The following ACACA variants were observed in gnomAD, a reference collection of about 807,000 sequenced individuals.
ACACA encodes acetyl-CoA carboxylase 1.
A neutral mutation model predicts 296.1 loss-of-function variants in ACACA; 103 were observed. The observed-to-expected ratio is 0.35, with a 90% CI of 0.30 to 0.41. The LOEUF is 0.41. Ranked by LOEUF, ACACA falls within the 10% of genes least tolerant of loss-of-function variation. The pLI is 1.00. For missense variants in ACACA, 1,554 were observed against 2,989.7 expected, an observed-to-expected ratio of 0.52 and a Z score of 11.20; for synonymous variants, 953 against 1,038.6, an observed-to-expected ratio of 0.92 and a Z score of 1.58.
chr17:37,398,853 G>C (rs1369380653), intron 1 of ACACA, among the ~76,000 whole-genome samples: 1 of 145,636 alleles, frequency 6.9e-6, no homozygotes, highest in Admixed American at 7.1e-5. Context: ...CAAAGTGCTG[G>C]GATTACAGGC....
chr17:37,255,197 C>T (rs771175654), intron 14 of ACACA, among the ~76,000 whole-genome samples: 2 of 152,024 alleles, frequency 1.3e-5, no homozygotes, highest in Admixed American at 6.5e-5. Flanking sequence ...ATTCAACCAA[C>T]GTTTACTGAA....
rs950752967 is a variant in ACACA, at chr17:37,241,981, T to C, written c.3004A>G (p.Thr1002Ala). The C allele has an allele frequency of 1.2e-6, 2 of 1,613,802 alleles. No individual in the cohort carries two copies. The highest frequency in any genetic ancestry group is 8.5e-7 in the Non-Finnish European group (1 of 1,179,904). The change falls in exon 23 of 56, where the codon ACT (threonine) becomes GCT (alanine). Residue 1002 changes from threonine (T) to alanine (A), a missense_variant. Physicochemically the swap from Thr to Ala is moderately conservative, Grantham distance 58 (BLOSUM62 0). Around this residue, in one of 16 missense-constraint regions of ACACA, gnomAD observed 316 missense variants for 540.9 expected, o/e 0.58. Transcript: ENST00000616317. ...TGTACCAGCTGAACAATGCTCTGAG[T>C]ATTCATAAAGAAGACTTCCCGTTCA... ...KSEREVFFMN[T>A]QSIVQLVQRY...
At chr17:37,381,911 G>A (rs556649805) in intron 1 of ACACA, among the ~76,000 whole-genome samples, 43 of 152,282 alleles carry the variant, frequency 2.8e-4, no homozygotes, top group South Asian at 4.1e-4. Context: ...ACAGGCGTGA[G>A]CCACTGCACC....
chr17:37,155,309 T>A (rs2076194628), intron 43 of ACACA, among the ~76,000 whole-genome samples: 1 of 152,130 alleles, frequency 6.6e-6, no homozygotes, highest in Non-Finnish European at 1.5e-5. Context: ...AAAGGATAAA[T>A]TATAAAAGAA....
Position 37,347,027 on chromosome 17 carries a change from G to A in ACACA, c.39-7177C>T, listed in dbSNP as rs545983259. Among the ~76,000 whole-genome samples, 24 of 152,254 alleles carry A rather than the reference G, an allele frequency of 1.6e-4. No individual in the cohort carries two copies. In the South Asian group the frequency reaches 2.3e-3, roughly 14 times the overall value. ...AACATGAGATCTGGGAAGGGCCAGCGGCTGAATGATATGGTCTGGCTGTGT... is the reference window on the plus strand; with the variant it reads ...AACATGAGATCTGGGAAGGGCCAGCAGCTGAATGATATGGTCTGGCTGTGT... On this transcript the variant is annotated intron_variant, in intron 1 of 55. Coordinates refer to ENST00000616317, the MANE Select transcript of ACACA (RefSeq NM_198834.3).
intron 42 of ACACA, among the ~76,000 whole-genome samples, chr17:37,157,789 A>T (rs1201153454): frequency 6.6e-6 from 1 of 151,890 alleles, no homozygotes; most frequent in Non-Finnish European, 1.5e-5. Flanking sequence ...CATCTGCCTC[A>T]GCCTCCCAAA....
intron 22 of ACACA, 55 bp downstream of exon 22, chr17:37,243,316 A>C: frequency 6.5e-7 from 1 of 1,537,214 alleles, no homozygotes; most frequent in Non-Finnish European, 9.0e-7. Flanking sequence ...GAATCCTACA[A>C]CATAAACTCT....
intron 29 of ACACA, among the ~76,000 whole-genome samples, chr17:37,218,758 T>A (rs972068923): frequency 6.6e-6 from 1 of 152,194 alleles, no homozygotes; most frequent in Non-Finnish European, 1.5e-5. Flanking sequence ...TTCTGTAGAA[T>A]GAGAAACAAT....
intron 25 of ACACA, among the ~76,000 whole-genome samples, chr17:37,227,702 T>C (rs1380910677): frequency 6.6e-6 from 1 of 151,764 alleles, no homozygotes; most frequent in Non-Finnish European, 1.5e-5. Context: ...CTACTAAAAA[T>C]ACAAAAAATT....
intron 25 of ACACA, among the ~76,000 whole-genome samples, chr17:37,232,016 C>G (rs1567853779): frequency 1.3e-5 from 2 of 152,154 alleles, no homozygotes; most frequent in South Asian, 4.2e-4. Context: ...AGGACTTTAG[C>G]CTTTTACCTG....
intron 3 of ACACA, among the ~76,000 whole-genome samples, chr17:37,297,891 T>C (rs540429547): frequency 3.9e-4 from 59 of 152,144 alleles, no homozygotes; most frequent in Middle Eastern, 3.4e-3. Flanking sequence ...TATACATGTA[T>C]ATACATAAAA....
At chr17:37,289,177 G>A (rs1331491340) in intron 3 of ACACA, among the ~76,000 whole-genome samples, 1 of 151,668 alleles carries the variant, frequency 6.6e-6, no homozygotes, top group Non-Finnish European at 1.5e-5. Context: ...CAGGAGAATC[G>A]CTTGAACCCA....
rs1568095743 is a variant in ACACA, at chr17:37,390,302, A to AATTTTATATATATAT, written c.38+15959_38+15960insATATATATATAAAAT. 6.3e-3 allele frequency among the ~76,000 whole-genome samples: 250 copies of AATTTTATATATATAT among 39,458 alleles called. 27 individuals carry two copies. Among genetic ancestry groups the AATTTTATATATATAT allele is most frequent in the African/African-American group, 0.032 (213 of 6,560 alleles). The allele number at this position is 39,458 out of a possible 152,430, so 25.9% of individuals were successfully genotyped here. ...TTATATATAATTATATATTATACAT[A>AATTTTATATATATAT]ATTATATATATATATATATATATAT... is the stretch of plus-strand genomic sequence containing the variant. On this transcript the variant is annotated intron_variant, in intron 1 of 55. Coordinates refer to ENST00000616317, the MANE Select transcript of ACACA (RefSeq NM_198834.3).
intron 1 of ACACA, chr17:37,367,633 G>A (rs2049653988): frequency 6.6e-6 from 1 of 152,144 alleles, no homozygotes; most frequent in African/African-American, 2.4e-5. Flanking sequence ...TAACCAACAT[G>A]TTAAGCTTCT....
At chr17:37,174,530 CTTTTTCTTTTTCTTTT>C (rs1175906305) in intron 41 of ACACA, among the ~76,000 whole-genome samples, 1 of 151,632 alleles carries the variant, frequency 6.6e-6, no homozygotes, top group African/African-American at 2.4e-5. Context: ...ATTTTTTTTT[CTTTTTCTTTTTCTTTT>C]TTTTTGAGAC....
rs1052055098 is a variant in ACACA at position 37,085,620 on chromosome 17, C to T, written c.*1696G>A. 5 of 399,034 alleles carry T rather than the reference C, an allele frequency of 1.3e-5. No individual in the cohort carries two copies. The highest frequency in any genetic ancestry group is 2.1e-5 in the African/African-American group (1 of 48,632). The allele number at this position is 399,034 out of a possible 1,614,324, so 24.7% of individuals were successfully genotyped here. On this transcript the variant is annotated 3_prime_UTR_variant, in exon 56 of 56. Transcript: ENST00000616317. ...TATGCCCTTTTCTGAAGGTGCTGAA[C>T]ACCTGTACCTTCCACCAGGGCAGCC...
intron 41 of ACACA, among the ~76,000 whole-genome samples, chr17:37,166,297 C>T (rs1396521423): frequency 6.6e-6 from 1 of 151,426 alleles, no homozygotes; most frequent in Non-Finnish European, 1.5e-5. Flanking sequence ...ACCACCATGC[C>T]CAGCTAATTT....
chr17:37,242,094 C>CA, intron 22 of ACACA, 41 bp from the exon 23 acceptor site: 1 of 1,475,522 alleles, frequency 6.8e-7, no homozygotes, highest in Non-Finnish European at 9.5e-7. Flanking sequence ...CCCAACCCAA[C>CA]AAAATGCCCC....
intron 30 of ACACA, among the ~76,000 whole-genome samples, chr17:37,209,420 G>A (rs2145431321): frequency 6.6e-6 from 1 of 152,308 alleles, no homozygotes; most frequent in East Asian, 1.9e-4. Context: ...AACTATGTTT[G>A]TGGCAACCAT....
Sources: allele counts gnomAD v4.1 joint callset (sites outside exome capture counted in the v4.1 genomes callset), GRCh38; gene constraint gnomAD v4.1.1; regional missense constraint gnomAD v4.1.1; transcripts MANE v1.5; gene names NCBI Gene and HGNC (gene_info 2026-07-23, HGNC 2026-07-21).